Variants in PRDM2 observed in about 807,000 individuals in gnomAD.
The protein encoded by PRDM2 is PR domain zinc finger protein 2.
Under a neutral mutation model 130.0 loss-of-function variants are expected in PRDM2, and 30 were observed. The observed-to-expected ratio is 0.23, with a 90% CI of 0.17 to 0.31. The LOEUF is 0.31. Among genes scored for constraint, PRDM2 ranks in the 10% least tolerant of loss-of-function variants. PRDM2 has a pLI of 1.00. For missense variants in PRDM2, 2,011 were observed against 2,108.4 expected (o/e 0.95, Z 0.90); for synonymous variants, 871 against 782.4 (o/e 1.11, Z -1.89).
rs777433682 is a variant in PRDM2, at chr1:13,731,080, G to A, written c.90G>A (p.Val30=). Residue 30 remains valine, a synonymous_variant, in exon 3 of 10, where the codon GTG becomes GTA. Transcript: ENST00000311066. ...EHVLRGLPEE[V]RLFPSAVDKT... Reference sequence around the variant, plus strand: ...TGCTGCGAGGACTTCCGGAGGAAGTGAGGCTTTTCCCTTCTGCTGTTGACA... The same window carrying A: ...TGCTGCGAGGACTTCCGGAGGAAGTAAGGCTTTTCCCTTCTGCTGTTGACA... 1.9e-6 allele frequency: 3 copies of A among 1,612,774 alleles called. No homozygotes were observed. In the African/African-American group the frequency reaches 4.0e-5, roughly 22 times the overall value.
intron 7 of PRDM2, among the ~76,000 whole-genome samples, chr1:13,774,714 C>T (rs543228780): frequency 6.6e-6 from 1 of 152,204 alleles, no homozygotes; most frequent in South Asian, 2.1e-4. Context: ...CGGTGGCTCA[C>T]GCCTGTAATC....
At chr1:13,784,974 T>A (rs1436580419) in intron 8 of PRDM2, among the ~76,000 whole-genome samples, 6 of 152,226 alleles carry the variant, frequency 3.9e-5, no homozygotes. Context: ...ATTTTGACTA[T>A]CTGGACACAA....
In PRDM2 at chr1:13,803,647, G is replaced by A. The variant is rs1237466148; in HGVS notation, c.5037-12780G>A. ...AAGGGCTGATCCCTGTGGCCTCTGG[G>A]GTCCCCTGCACTTCTCGGGTCTTGG... On this transcript the variant is annotated intron_variant, in intron 8 of 9. Transcript: ENST00000311066. The surrounding 1 kb of genome is among the most constrained non-coding windows in gnomAD (Gnocchi z 6.2). Among the ~76,000 whole-genome samples the A allele has an allele frequency of 6.6e-6, 1 of 152,096 alleles. No individual in the cohort carries two copies. Among genetic ancestry groups the A allele is most frequent in the Non-Finnish European group, 1.5e-5 (1 of 68,010 alleles).
At chr1:13,816,319 A>G (rs1645256333) in intron 8 of PRDM2, 108 bp from the exon 9 acceptor site, 2 of 1,409,122 alleles carry the variant, frequency 1.4e-6, no homozygotes, top group East Asian at 2.3e-5. Flanking sequence ...GTGCAATCCT[A>G]TCCTGGCCTG....
chr1:13,725,706 A>G (rs1642889831), intron 2 of PRDM2, among the ~76,000 whole-genome samples: 2 of 152,142 alleles, frequency 1.3e-5, no homozygotes, highest in Non-Finnish European at 2.9e-5. Flanking sequence ...ATTTTCACAC[A>G]TGATAGCCTC....
chr1:13,806,270 C>T lies in PRDM2; in HGVS notation c.5037-10157C>T, dbSNP rs538668473. 1.9e-4 allele frequency among the ~76,000 whole-genome samples: 27 copies of T among 144,950 alleles called. No homozygotes were observed. The highest frequency in any genetic ancestry group is 7.2e-4 in the African/African-American group (27 of 37,460). ...TCCCTGGGCTCTGTCCCCCGCATCC[C>T]GCCTCCATCCCTGGGCTCTGTCCCC... On this transcript the variant is annotated intron_variant, in intron 8 of 9. Transcript: ENST00000311066. This position sits in a 1 kb window ranked among gnomAD's most constrained non-coding sequence, Gnocchi z 4.1.
intron 8 of PRDM2, among the ~76,000 whole-genome samples, chr1:13,785,875 G>A (rs1004309648): frequency 1.4e-5 from 2 of 138,344 alleles, no homozygotes; most frequent in Admixed American, 7.7e-5. Context: ...GTCTCGCTCC[G>A]TTGCCCAGGC....
chr1:13,739,792 T>C (rs1643384096), intron 4 of PRDM2, among the ~76,000 whole-genome samples: 1 of 152,186 alleles, frequency 6.6e-6, no homozygotes, highest in Admixed American at 6.5e-5. Context: ...GGTCAGGTAC[T>C]GCTAAATTCT....
chr1:13,772,744 A>G (rs576301434), intron 6 of PRDM2, among the ~76,000 whole-genome samples: 3 of 152,204 alleles, frequency 2.0e-5, no homozygotes, highest in Non-Finnish European at 4.4e-5. Context: ...CAATGCTATT[A>G]CTAATTTTCC....
chr1:13,758,974 C>T (rs924581046), intron 6 of PRDM2, among the ~76,000 whole-genome samples: 6 of 151,996 alleles, frequency 3.9e-5, no homozygotes, highest in African/African-American at 1.5e-4. Flanking sequence ...TAAAATACTG[C>T]TAATTTGATA....
chr1:13,811,014 T>C (rs948482297), intron 8 of PRDM2, among the ~76,000 whole-genome samples: 1 of 151,466 alleles, frequency 6.6e-6, no homozygotes, highest in South Asian at 2.1e-4. Context: ...TGAAACCCCG[T>C]CTCTACTAAA....
At chr1:13,763,002 C>T (rs976159362) in intron 6 of PRDM2, among the ~76,000 whole-genome samples, 2 of 152,008 alleles carry the variant, frequency 1.3e-5, no homozygotes, top group African/African-American at 2.4e-5. Flanking sequence ...CATGGTGGGC[C>T]GAGTGATTAG....
chr1:13,743,399 CAAAAAAAAA>C (rs70984282), intron 5 of PRDM2, among the ~76,000 whole-genome samples: 4 of 41,784 alleles, frequency 9.6e-5, no homozygotes, highest in Admixed American at 5.6e-4. Context: ...GACTCTGTCT[CAAAAAAAAA>C]AAAAAAAAAA....
intron 6 of PRDM2, among the ~76,000 whole-genome samples, chr1:13,753,960 T>C (rs1229967013): frequency 1.3e-5 from 2 of 152,156 alleles, no homozygotes; most frequent in African/African-American, 2.4e-5. Flanking sequence ...TGGAATCACA[T>C]TCTGGAGAGT....
At position 13,806,560 on chromosome 1, in the gene PRDM2, A is replaced by G. The variant is rs545058176; in HGVS notation, c.5037-9867A>G. 1.3e-5 allele frequency among the ~76,000 whole-genome samples: 2 copies of G among 151,200 alleles called. No individual in the cohort carries two copies. The highest frequency in any genetic ancestry group is 4.9e-5 in the African/African-American group (2 of 41,134). The stretch of plus-strand genomic sequence containing the variant: ...GAGTCCAGCTACCAGCTAGACTCCA[A>G]CCTCTTCCTCCATCCCCACATCCAG... On this transcript the variant is annotated intron_variant, in intron 8 of 9. Transcript: ENST00000311066. The surrounding 1 kb of genome is among the most constrained non-coding windows in gnomAD (Gnocchi z 4.1).
intron 6 of PRDM2, among the ~76,000 whole-genome samples, chr1:13,768,649 G>C (rs1374859333): frequency 6.6e-6 from 1 of 152,202 alleles, no homozygotes; most frequent in African/African-American, 2.4e-5. Context: ...CTCCCAAAGT[G>C]CTGGGATTAC....
At chr1:13,775,321 G>C (rs1644451728) in intron 7 of PRDM2, among the ~76,000 whole-genome samples, 2 of 152,202 alleles carry the variant, frequency 1.3e-5, no homozygotes, top group African/African-American at 4.8e-5. Flanking sequence ...GATTTTGACT[G>C]AAAATAAAGT....
Position 13,773,142 on chromosome 1 carries a change from A to C in PRDM2, c.576A>C (p.Thr192=), listed in dbSNP as rs749150730. Residue 192 remains threonine, a synonymous_variant, in exon 7 of 10, where the codon ACA becomes ACC. Transcript: ENST00000311066. ...AAATCCAAGACATACAACTGAAGACAAGTGAGCCAGATTTCACCTCTGCAA... is the reference window on the plus strand; with the variant it reads ...AAATCCAAGACATACAACTGAAGACCAGTGAGCCAGATTTCACCTCTGCAA... ...GNKIQDIQLK[T]SEPDFTSANM... The C allele has an allele frequency of 2.5e-6, 4 of 1,578,302 alleles. No homozygotes were observed. The South Asian group carries it at 4.9e-5, about 19-fold the overall frequency.
rs149932968 is a variant in PRDM2, at chr1:13,779,670, T to C, written c.1875T>C (p.Pro625=). ...AGGTCCCTGTAACAGAAGATCTTCC[T>C]AAAGAGCCTTTGGGCAGCACAAATA... ...TTQVPVTEDL[P]KEPLGSTNSE... Residue 625 remains proline, a synonymous_variant, in exon 8 of 10, where the codon CCT becomes CCC. Coordinates refer to ENST00000311066, the MANE Select transcript of PRDM2 (RefSeq NM_001393986.1). The surrounding 1 kb of genome is among the most constrained non-coding windows in gnomAD (Gnocchi z 4.9). 1.1e-4 allele frequency: 184 copies of C among 1,614,072 alleles called. No individual in the cohort carries two copies. The highest frequency in any genetic ancestry group is 5.5e-4 in the African/African-American group (41 of 75,016).
Sources: allele counts gnomAD v4.1 joint callset (sites outside exome capture counted in the v4.1 genomes callset), GRCh38; gene constraint gnomAD v4.1.1; non-coding constraint Gnocchi (gnomAD v3.1); transcripts MANE v1.5; gene names NCBI Gene and HGNC (gene_info 2026-07-23, HGNC 2026-07-21).